The following PUS7L variants were observed in gnomAD, a reference collection of about 807,000 sequenced individuals.
PUS7L encodes the protein pseudouridylate synthase PUS7L.
PUS7L carries 49 observed loss-of-function variants against 51.1 expected under a neutral mutation model. That is an observed-to-expected ratio of 0.96 (90% CI 0.76 to 1.22). The LOEUF is 1.22. Among genes scored for constraint, PUS7L ranks in the 50% most tolerant of loss-of-function variants. The pLI is 0.00. For missense variants in PUS7L, 828 were observed against 820.6 expected (o/e 1.01, Z -0.11); for synonymous variants, 277 against 276.2 (o/e 1.00, Z -0.03).
rs1944650291 is a variant in PUS7L, at chr12:43,735,010, TCA to T, written c.1725+1369_1725+1370del. On this transcript the variant is annotated intron_variant, in intron 7 of 8. Coordinates refer to ENST00000344862, the MANE Select transcript of PUS7L (RefSeq NM_031292.5). The stretch of plus-strand genomic sequence containing the variant: ...GGAACCCAGTTTCATTAGTTCAAAC[TCA>T]CAGAGATAAAAACAACTGGATGGCC... Among the ~76,000 whole-genome samples the T allele has an allele frequency of 2.6e-5, 4 of 152,288 alleles. No homozygotes were observed. In the South Asian group the frequency reaches 8.3e-4, roughly 32 times the overall value.
In PUS7L at chr12:43,720,060, C is replaced by A. The variant is rs1944379398; in HGVS notation, c.*10316G>T. ...CATAATGTACAGACTTCCTTCTTTT[C>A]TACCATAAGCATTTATGAATATAAT... is the stretch of plus-strand genomic sequence containing the variant. On this transcript the variant is annotated 3_prime_UTR_variant, in exon 9 of 9. Transcript: ENST00000344862. 6.6e-6 allele frequency: 1 copy of A among 152,196 alleles called. No individual in the cohort carries two copies. The highest frequency in any genetic ancestry group is 2.4e-5 in the African/African-American group (1 of 41,448). 9.4% of individuals were successfully genotyped at this position (152,196 alleles called of 1,614,324 possible). A position where few individuals can be genotyped will look rare whatever the true frequency, so the allele number is the denominator to read the frequency against.
In PUS7L at chr12:43,724,888, C is replaced by A. The variant is rs1944435262; in HGVS notation, c.*5488G>T. On this transcript the variant is annotated 3_prime_UTR_variant, in exon 9 of 9. Transcript: ENST00000344862. ...AGTTTTAAAGGAAACATAATACCAT[C>A]ACATAAACAGGAAGCCAGAATTGAT... The A allele has an allele frequency of 6.6e-6, 1 of 152,124 alleles. No individual in the cohort carries two copies. Among genetic ancestry groups the A allele is most frequent in the South Asian group, 2.1e-4 (1 of 4,820 alleles). 9.4% of individuals were successfully genotyped at this position (152,124 alleles called of 1,614,324 possible). A position where few individuals can be genotyped will look rare whatever the true frequency, so the allele number is the denominator to read the frequency against.
chr12:43,735,711 G>T (rs1190431037), intron 7 of PUS7L, among the ~76,000 whole-genome samples: 1 of 152,110 alleles, frequency 6.6e-6, no homozygotes, highest in African/African-American at 2.4e-5. Flanking sequence ...AACAGAGGTT[G>T]AGTCTCTGGA....
intron 6 of PUS7L, among the ~76,000 whole-genome samples, chr12:43,737,461 A>G (rs188579903): frequency 6.6e-6 from 1 of 152,082 alleles, no homozygotes; most frequent in East Asian, 1.9e-4. Flanking sequence ...ATAAATAAAT[A>G]TTTGAAAACT....
Position 43,730,353 on chromosome 12 carries a change from T to C in PUS7L, c.*23A>G, listed in dbSNP as rs763595825. 6.3e-7 allele frequency: 1 copy of C among 1,580,192 alleles called. No individual in the cohort carries two copies. Among genetic ancestry groups the C allele is most frequent in the Non-Finnish European group, 8.7e-7 (1 of 1,151,784 alleles). ...TTTCCTTCAAAGAGTGACATATATATGGTTATACCAAGGGTATCAGTTTTA... is the reference window on the plus strand; with the variant it reads ...TTTCCTTCAAAGAGTGACATATATACGGTTATACCAAGGGTATCAGTTTTA... On this transcript the variant is annotated 3_prime_UTR_variant, in exon 9 of 9. Coordinates refer to ENST00000344862, the MANE Select transcript of PUS7L (RefSeq NM_031292.5).
intron 5 of PUS7L, chr12:43,738,830 CT>C: frequency 3.2e-6 from 1 of 308,022 alleles, no homozygotes; most frequent in Non-Finnish European, 6.5e-6. Context: ...ATTTCAGGTT[CT>C]TAACAACCCA....
chr12:43,730,777 T>C, intron 8 of PUS7L, 75 bp from the exon 9 acceptor site: 6 of 943,238 alleles, frequency 6.4e-6, no homozygotes, highest in Middle Eastern at 4.4e-4. Context: ...AATGTACTTT[T>C]ATGACTGCGA....
rs1268029311 is a variant in PUS7L, at chr12:43,720,655, T to C, written c.*9721A>G. Reference sequence around the variant, plus strand: ...TAGTCCAGTGCATAGTCAATTTCTATAAATGTCCCATGGATGCTTTAAAAG... The same window carrying C: ...TAGTCCAGTGCATAGTCAATTTCTACAAATGTCCCATGGATGCTTTAAAAG... On this transcript the variant is annotated 3_prime_UTR_variant, in exon 9 of 9. Transcript: ENST00000344862. 2 of 152,250 alleles carry C rather than the reference T, an allele frequency of 1.3e-5. No individual in the cohort carries two copies. The allele number at this position is 152,250 out of a possible 1,614,324, so 9.4% of individuals were successfully genotyped here.
At chr12:43,747,494 G>A (rs1046493333) in intron 3 of PUS7L, among the ~76,000 whole-genome samples, 6 of 152,202 alleles carry the variant, frequency 3.9e-5, no homozygotes, top group African/African-American at 1.4e-4. Context: ...AGGAGTTCGA[G>A]ACCAGCCTGG....
chr12:43,736,738 C>A, intron 6 of PUS7L, 77 bp from the exon 7 acceptor site: 1 of 1,301,126 alleles, frequency 7.7e-7, no homozygotes, highest in South Asian at 1.4e-5. Flanking sequence ...GTTCTAATCT[C>A]AAACTGAGGC....
chr12:43,731,570 T>A, intron 8 of PUS7L, 135 bp downstream of exon 8: 1 of 565,020 alleles, frequency 1.8e-6, no homozygotes, highest in East Asian at 3.1e-5. Context: ...CTAAGTGAAT[T>A]TAATTGTATA....
intron 1 of PUS7L, 92 bp from the exon 2 acceptor site, chr12:43,755,353 GTCTC>G (rs1250480138): frequency 2.8e-6 from 2 of 723,780 alleles, no homozygotes; most frequent in East Asian, 5.5e-5. Context: ...AGTTAATTCT[GTCTC>G]TCTTTTAATT....
chr12:43,731,073 G>A (rs1299171845), intron 8 of PUS7L, among the ~76,000 whole-genome samples: 1 of 152,092 alleles, frequency 6.6e-6, no homozygotes. Context: ...CACATTACCG[G>A]TATTTTGGTG....
chr12:43,740,569 A>G (rs75113416), intron 5 of PUS7L, among the ~76,000 whole-genome samples: 2,189 of 152,284 alleles, frequency 0.014, 56 homozygotes, highest in African/African-American at 0.049. Flanking sequence ...TAAAGAATAT[A>G]CAGGTTGGGG....
chr12:43,754,235 A>G, intron 2 of PUS7L, 101 bp downstream of exon 2: 2 of 788,680 alleles, frequency 2.5e-6, no homozygotes, highest in East Asian at 2.5e-5. Context: ...TAAATCATAT[A>G]TTCTTTCCAA....
chr12:43,758,262 T>A (rs1395441581), intron 1 of PUS7L: 2 of 957,640 alleles, frequency 2.1e-6, no homozygotes, highest in Non-Finnish European at 2.5e-6. Flanking sequence ...AATTCCAGCA[T>A]CCTGGTAGAA....
chr12:43,750,355 A>G (rs148581583), intron 2 of PUS7L, among the ~76,000 whole-genome samples: 2,191 of 152,340 alleles, frequency 0.014, 56 homozygotes, highest in African/African-American at 0.049. Flanking sequence ...TTGAATGTTT[A>G]AGAGAATGAA....
At chr12:43,732,825 C>T (rs1332471292) in intron 7 of PUS7L, among the ~76,000 whole-genome samples, 2 of 152,112 alleles carry the variant, frequency 1.3e-5, no homozygotes, top group African/African-American at 4.8e-5. Flanking sequence ...TGGTAACTAA[C>T]CTCTTTCAGT....
chr12:43,755,910 A>T (rs977897862), intron 1 of PUS7L, among the ~76,000 whole-genome samples: 2 of 152,158 alleles, frequency 1.3e-5, no homozygotes, highest in Non-Finnish European at 2.9e-5. Flanking sequence ...GACAGAAGAA[A>T]CCCTTACAGA....
Sources: allele counts gnomAD v4.1 joint callset (sites outside exome capture counted in the v4.1 genomes callset), GRCh38; gene constraint gnomAD v4.1.1; transcripts MANE v1.5; gene names NCBI Gene and HGNC (gene_info 2026-07-23, HGNC 2026-07-21).